Variants in ACOXL observed in about 807,000 individuals in gnomAD.
ACOXL encodes the protein acyl-CoA oxidase like, also known as acyl-coenzyme A oxidase-like protein.
A neutral mutation model predicts 71.9 loss-of-function variants in ACOXL; 70 were observed. The observed-to-expected ratio is 0.97, with a 90% confidence interval of 0.80 to 1.19. The LOEUF (loss-of-function observed/expected upper bound fraction) is 1.19, where lower values mean the gene tolerates loss of function less well. ACOXL is among the 50% of genes most tolerant of loss of function. ACOXL has a pLI of 0.00. For missense variants in ACOXL, 703 were observed against 736.3 expected, an observed-to-expected ratio of 0.95 and a Z score of 0.52; for synonymous variants, 253 against 281.6, an observed-to-expected ratio of 0.90 and a Z score of 1.02.
intron 1 of ACOXL, among the ~76,000 whole-genome samples, chr2:110,736,642 C>T (rs1376965572): frequency 8.2e-5 from 11 of 133,676 alleles, no homozygotes; most frequent in African/African-American, 1.7e-4. Flanking sequence ...TTTTTTGAGA[C>T]GGAGTCTCGC....
chr2:111,104,303 A>G (rs746545925), intron 17 of ACOXL, among the ~76,000 whole-genome samples: 1 of 152,196 alleles, frequency 6.6e-6, no homozygotes, highest in Non-Finnish European at 1.5e-5. Context: ...TCATTTTCCC[A>G]TACAGGATTT....
At chr2:111,021,794 C>T (rs932904020) in intron 14 of ACOXL, among the ~76,000 whole-genome samples, 3 of 151,568 alleles carry the variant, frequency 2.0e-5, no homozygotes, top group African/African-American at 7.3e-5. Context: ...CAAGAGAGAA[C>T]ACCACAAGGA....
chr2:110,972,303 G>A (rs1286051193), intron 12 of ACOXL, among the ~76,000 whole-genome samples: 1 of 152,154 alleles, frequency 6.6e-6, no homozygotes, highest in African/African-American at 2.4e-5. Context: ...CCAGGGCATG[G>A]TCCAGTTTTA....
intron 10 of ACOXL, chr2:110,886,715 G>T: frequency 1.3e-6 from 2 of 1,545,792 alleles, no homozygotes; most frequent in South Asian, 2.4e-5. Flanking sequence ...TTCACCCTTT[G>T]ACTGGAGTTA....
chr2:110,952,780 AT>A (rs2061374602), intron 12 of ACOXL, among the ~76,000 whole-genome samples: 1 of 152,016 alleles, frequency 6.6e-6, no homozygotes. Context: ...CTTTGGGTTT[AT>A]TCTCCTGCTC....
In ACOXL at chr2:111,118,397, C is replaced by G. The variant is rs1246849495; in HGVS notation, c.*581C>G. Reference sequence around the variant, plus strand: ...AAGTGGGAGCCTAGAGTTTTGCTCTCGGCAAAACAAGAACTCGGCTTGTCC... The same window carrying G: ...AAGTGGGAGCCTAGAGTTTTGCTCTGGGCAAAACAAGAACTCGGCTTGTCC... On this transcript the variant is annotated 3_prime_UTR_variant, in exon 18 of 18. Coordinates refer to ENST00000439055, the MANE Select transcript of ACOXL (RefSeq NM_001142807.4). Among the ~76,000 whole-genome samples, 1 of 152,192 alleles carries G rather than the reference C, an allele frequency of 6.6e-6. No homozygotes were observed. The highest frequency in any genetic ancestry group is 1.5e-5 in the Non-Finnish European group (1 of 68,028).
chr2:110,820,754 C>G (rs1052165090), intron 9 of ACOXL, among the ~76,000 whole-genome samples: 1 of 152,044 alleles, frequency 6.6e-6, no homozygotes, highest in African/African-American at 2.4e-5. Flanking sequence ...TACCGGGGGA[C>G]AGAGGTAGGA....
chr2:111,081,617 A>G (rs573925406), intron 16 of ACOXL, among the ~76,000 whole-genome samples: 20 of 152,346 alleles, frequency 1.3e-4, no homozygotes, highest in African/African-American at 3.6e-4. Context: ...TATAGATTCA[A>G]TGCTATCCCC....
chr2:110,944,630 G>A (rs768604893), intron 12 of ACOXL, among the ~76,000 whole-genome samples: 1 of 152,106 alleles, frequency 6.6e-6, no homozygotes, highest in Non-Finnish European at 1.5e-5. Flanking sequence ...GTTCGCTTAG[G>A]ATAATGGCCT....
At chr2:111,043,668 A>T (rs554328263) in intron 15 of ACOXL, among the ~76,000 whole-genome samples, 105 of 152,206 alleles carry the variant, frequency 6.9e-4, no homozygotes, top group African/African-American at 2.1e-3. Flanking sequence ...TGGTGAGGAG[A>T]CGTGGGGCCC....
intron 12 of ACOXL, among the ~76,000 whole-genome samples, chr2:110,969,454 G>T (rs777619238): frequency 2.6e-5 from 4 of 152,064 alleles, no homozygotes; most frequent in Non-Finnish European, 5.9e-5. Flanking sequence ...AATTAAGAAG[G>T]CTCAAATCAC....
chr2:110,948,557 A>T (rs1328279123), intron 12 of ACOXL, among the ~76,000 whole-genome samples: 1 of 150,554 alleles, frequency 6.6e-6, no homozygotes, highest in East Asian at 2.0e-4. Flanking sequence ...CCCTTACTCC[A>T]CTCCTGAAGG....
intron 3 of ACOXL, among the ~76,000 whole-genome samples, chr2:110,790,646 T>G (rs1176368995): frequency 2.6e-5 from 4 of 152,186 alleles, no homozygotes. Context: ...CAAATGGTCC[T>G]CTCTGTGTCC....
intron 10 of ACOXL, among the ~76,000 whole-genome samples, chr2:110,849,539 C>T (rs1401569777): frequency 6.6e-6 from 1 of 152,198 alleles, no homozygotes; most frequent in Non-Finnish European, 1.5e-5. Flanking sequence ...AGGTGGATCA[C>T]CTGAGGTCGG....
At chr2:110,985,223 C>G (rs894963200) in intron 12 of ACOXL, among the ~76,000 whole-genome samples, 1 of 152,166 alleles carries the variant, frequency 6.6e-6, no homozygotes. Context: ...CCCCACTTTT[C>G]CAGATCCTGG....
chr2:111,012,598 G>A (rs1444506186), intron 14 of ACOXL, among the ~76,000 whole-genome samples: 1 of 152,172 alleles, frequency 6.6e-6, no homozygotes, highest in African/African-American at 2.4e-5. Context: ...AATGCAGAGT[G>A]TATTCTATGT....
At chr2:110,837,892 C>T (rs1035069710) in intron 9 of ACOXL, among the ~76,000 whole-genome samples, 2 of 152,198 alleles carry the variant, frequency 1.3e-5, no homozygotes, top group Non-Finnish European at 2.9e-5. Context: ...AGCACAAAAT[C>T]CCTCTGACCT....
At chr2:110,968,738 A>T (rs373476279) in intron 12 of ACOXL, 11 of 614,920 alleles carry the variant, frequency 1.8e-5, no homozygotes, top group Middle Eastern at 5.0e-4. Flanking sequence ...ACAATTTTCT[A>T]TGACGATTTT....
intron 1 of ACOXL, among the ~76,000 whole-genome samples, chr2:110,737,370 TTC>T (rs1676993806): frequency 6.6e-6 from 1 of 152,240 alleles, no homozygotes; most frequent in Non-Finnish European, 1.5e-5. Flanking sequence ...AAACGAATGT[TTC>T]TCACTACAGC....
Sources: allele counts gnomAD v4.1 joint callset (sites outside exome capture counted in the v4.1 genomes callset), GRCh38; gene constraint gnomAD v4.1.1; transcripts MANE v1.5; gene names NCBI Gene and HGNC (gene_info 2026-07-23, HGNC 2026-07-21).